Variants in IMPACT observed in about 807,000 individuals in gnomAD.
IMPACT encodes impact RWD domain protein.
A neutral mutation model predicts 47.5 loss-of-function variants in IMPACT; 35 were observed. That is an observed-to-expected ratio of 0.74 (90% confidence interval 0.56 to 0.98). The LOEUF (loss-of-function observed/expected upper bound fraction) is 0.98. IMPACT is among the 50% of genes least tolerant of loss of function. The pLI, the probability that IMPACT is intolerant of heterozygous loss-of-function variation, is 0.00. For synonymous variants in IMPACT, 118 were observed against 125.6 expected (o/e 0.94, Z 0.40); for missense variants, 373 against 394.8 (o/e 0.94, Z 0.47).
At chr18:24,431,401 G>A (rs1568085328) in intron 4 of IMPACT, among the ~76,000 whole-genome samples, 3 of 152,158 alleles carry the variant, frequency 2.0e-5, no homozygotes. Context: ...AGGACCTGGA[G>A]AGGTAGACAA....
chr18:24,448,545 T>A (rs1190545369), intron 9 of IMPACT, among the ~76,000 whole-genome samples: 1 of 151,988 alleles, frequency 6.6e-6, no homozygotes, highest in East Asian at 1.9e-4. Context: ...ATCCAGAATT[T>A]TTTTTTTTTA....
At chr18:24,437,325 T>C (rs969949568) in intron 4 of IMPACT, among the ~76,000 whole-genome samples, 1 of 152,192 alleles carries the variant, frequency 6.6e-6, no homozygotes, top group African/African-American at 2.4e-5. Context: ...TGACACATTC[T>C]TTTTCTCAGT....
At chr18:24,432,536 C>T (rs1050445453) in intron 4 of IMPACT, among the ~76,000 whole-genome samples, 10 of 151,974 alleles carry the variant, frequency 6.6e-5, no homozygotes, top group Admixed American at 3.9e-4. Flanking sequence ...TATGGTCTTC[C>T]TTGGGTCCCC....
At chr18:24,427,139 T>G in intron 1 of IMPACT, 1 of 255,806 alleles carries the variant, frequency 3.9e-6, no homozygotes, top group Non-Finnish European at 7.4e-6. Context: ...GAATTCGGGT[T>G]TCCCCCTTTG....
At chr18:24,446,927 A>G (rs773218937) in intron 8 of IMPACT, among the ~76,000 whole-genome samples, 10 of 152,226 alleles carry the variant, frequency 6.6e-5, no homozygotes, top group Non-Finnish European at 1.2e-4. Context: ...TTAGTTAGCA[A>G]TTCTAGCACT....
Position 24,451,242 on chromosome 18 carries a change from T to C in IMPACT, c.*395T>C. The C allele has an allele frequency of 6.5e-6, 1 of 154,676 alleles. No homozygotes were observed. The highest frequency in any genetic ancestry group is 1.4e-5 in the Non-Finnish European group (1 of 69,660). 9.6% of individuals were successfully genotyped at this position (154,676 alleles called of 1,614,324 possible). On this transcript the variant is annotated 3_prime_UTR_variant, in exon 11 of 11. Coordinates refer to ENST00000284202, the MANE Select transcript of IMPACT (RefSeq NM_018439.4). ...TCATCGAGATTCTTGTACTGTTAAA[T>C]GAATATTGCCTTTTACTGCTCTTTA...
chr18:24,426,839 G>C, intron 1 of IMPACT, 47 bp downstream of exon 1: 4 of 1,207,834 alleles, frequency 3.3e-6, no homozygotes, highest in Non-Finnish European at 4.2e-6. Context: ...GCTCCGGCTC[G>C]CCTCGCCATG....
intron 10 of IMPACT, 126 bp from the exon 11 acceptor site, chr18:24,450,653 A>T (rs904407179): frequency 1.2e-5 from 7 of 590,252 alleles, no homozygotes; most frequent in African/African-American, 9.4e-5. Flanking sequence ...TAACATATAT[A>T]CATACATACA....
intron 4 of IMPACT, 22 bp downstream of exon 4, chr18:24,430,406 A>T (rs374988963): frequency 1.9e-6 from 3 of 1,547,212 alleles, no homozygotes; most frequent in African/African-American, 1.4e-5. Context: ...GCGATTTTTT[A>T]AAATAATTCT....
chr18:24,437,311 C>T (rs1023891057), intron 4 of IMPACT, among the ~76,000 whole-genome samples: 5 of 152,150 alleles, frequency 3.3e-5, no homozygotes, highest in African/African-American at 9.7e-5. Context: ...GACTTTAAAA[C>T]CTGTGACACA....
intron 10 of IMPACT, 112 bp downstream of exon 10, chr18:24,450,065 C>G: frequency 2.6e-6 from 3 of 1,163,376 alleles, no homozygotes; most frequent in Non-Finnish European, 3.7e-6. Context: ...ATTGGTAAAA[C>G]CTTTGGACTC....
chr18:24,435,789 C>G (rs1240207789), intron 4 of IMPACT, among the ~76,000 whole-genome samples: 2 of 152,102 alleles, frequency 1.3e-5, no homozygotes, highest in African/African-American at 4.8e-5. Flanking sequence ...AAATATTTCT[C>G]TTTGTGAGTA....
intron 4 of IMPACT, among the ~76,000 whole-genome samples, chr18:24,430,912 A>G (rs774888908): frequency 1.3e-5 from 2 of 152,166 alleles, no homozygotes; most frequent in African/African-American, 4.8e-5. Flanking sequence ...TTAAATGTCT[A>G]TGTACTTTGA....
intron 6 of IMPACT, among the ~76,000 whole-genome samples, chr18:24,441,460 G>A (rs1017275204): frequency 2.6e-5 from 4 of 152,156 alleles, no homozygotes; most frequent in Non-Finnish European, 4.4e-5. Flanking sequence ...ATTATTATAG[G>A]CGTGAGCCAC....
intron 5 of IMPACT, among the ~76,000 whole-genome samples, chr18:24,439,860 A>G (rs1568087875): frequency 6.6e-6 from 1 of 152,114 alleles, no homozygotes; most frequent in Admixed American, 6.6e-5. Flanking sequence ...ACAAGTTGAC[A>G]TGTAAGATTA....
intron 1 of IMPACT, 94 bp downstream of exon 1, chr18:24,426,886 C>T: frequency 1.1e-6 from 1 of 911,580 alleles, no homozygotes; most frequent in Non-Finnish European, 1.4e-6. Context: ...CCGCCTGGGG[C>T]CGCCCCGGGT....
chr18:24,450,718 G>A (rs2144352074), intron 10 of IMPACT, 61 bp from the exon 11 acceptor site: 1 of 1,023,106 alleles, frequency 9.8e-7, no homozygotes, highest in East Asian at 2.4e-5. Flanking sequence ...TAAGTGATTA[G>A]ATTGAAGATT....
At position 24,451,204 on chromosome 18, in the gene IMPACT, AC is replaced by A. The variant is rs1421630866; in HGVS notation, c.*359del. On this transcript the variant is annotated 3_prime_UTR_variant, in exon 11 of 11. Coordinates refer to ENST00000284202, the MANE Select transcript of IMPACT (RefSeq NM_018439.4). ...GAAATGTCTCTAGAGGAATATAAAT[AC>A]CTGATTTCTTGTCATCGAGATTCTT... 6.9e-5 allele frequency: 11 copies of A among 160,472 alleles called. No individual in the cohort carries two copies. Among genetic ancestry groups the A allele is most frequent in the Non-Finnish European group, 1.2e-4 (9 of 73,842 alleles). 9.9% of individuals were successfully genotyped at this position (160,472 alleles called of 1,614,324 possible).
rs747959597 is a variant in IMPACT, at chr18:24,452,642, A to G, written c.*1795A>G. The stretch of plus-strand genomic sequence containing the variant: ...ATTCTCCAGCTCTGAACTTGGAGCT[A>G]CTTCACACTCTACTCTTAATGGAAA... On this transcript the variant is annotated 3_prime_UTR_variant, in exon 11 of 11. Transcript: ENST00000284202. 1 of 152,152 alleles carries G rather than the reference A, an allele frequency of 6.6e-6. No individual in the cohort carries two copies. Among genetic ancestry groups the G allele is most frequent in the East Asian group, 1.9e-4 (1 of 5,196 alleles). The allele number at this position is 152,152 out of a possible 1,614,324, so 9.4% of individuals were successfully genotyped here. A position where few individuals can be genotyped will look rare whatever the true frequency, so the allele number is the denominator to read the frequency against.
Sources: allele counts gnomAD v4.1 joint callset (sites outside exome capture counted in the v4.1 genomes callset), GRCh38; gene constraint gnomAD v4.1.1; transcripts MANE v1.5; gene names NCBI Gene and HGNC (gene_info 2026-07-23, HGNC 2026-07-21).